Variants in GRIPAP1 observed in about 807,000 individuals in gnomAD.
GRIPAP1 encodes the protein GRIP1 associated protein 1.
GRIPAP1 carries 14 observed loss-of-function variants against 84.1 expected under a neutral mutation model. That is an observed-to-expected ratio of 0.17 (90% CI 0.11 to 0.26). GRIPAP1 has a LOEUF of 0.26. Ranked by LOEUF, GRIPAP1 falls within the 10% of genes least tolerant of loss-of-function variation. The pLI is 1.00. For synonymous variants in GRIPAP1, 261 were observed against 256.8 expected (o/e 1.02, Z -0.15); for missense variants, 518 against 674.2 (o/e 0.77, Z 2.57).
chrX:48,994,702 A>G (rs2064538219), intron 5 of GRIPAP1, among the ~76,000 whole-genome samples: 1 of 111,731 alleles, frequency 9.0e-6, no homozygotes, highest in Non-Finnish European at 1.9e-5. Context: ...CCTAGTACTA[A>G]TCAAAATTTT....
At chrX:48,986,964 T>G (rs1569519704) in intron 13 of GRIPAP1, among the ~76,000 whole-genome samples, 4 of 108,740 alleles carry the variant, frequency 3.7e-5, no homozygotes, top group Admixed American at 9.9e-5. Context: ...TTCTCCCACC[T>G]CAGCCTCCCG....
rs781795299 is a variant in GRIPAP1, at chrX:48,997,352, G to A, written c.204C>T (p.Val68=). The change falls in exon 5 of 26, where the codon GTC becomes GTT. Residue 68 remains valine (V), a synonymous_variant. Coordinates refer to ENST00000376423, the MANE Select transcript of GRIPAP1 (RefSeq NM_020137.5). ...ALSKSKKAQE[V]EVLLSENEML... ...TCTCATTTTCACTCAGCAATACCTC[G>A]ACTTCCTGCAGTGGCAGACAAGGGC... 2 of 1,125,320 alleles carry A rather than the reference G, an allele frequency of 1.8e-6. No homozygotes were observed. 92.7% of individuals were successfully genotyped at this position (1,125,320 alleles called of 1,213,427 possible).
intron 22 of GRIPAP1, 135 bp downstream of exon 22, chrX:48,978,170 G>T: frequency 1.6e-6 from 1 of 640,248 alleles, no homozygotes; most frequent in Non-Finnish European, 2.4e-6. Context: ...TGGTGGGCTT[G>T]GGGAAAAGTT....
At chrX:49,000,234 G>A (rs180782190) in intron 1 of GRIPAP1, among the ~76,000 whole-genome samples, 5 of 107,471 alleles carry the variant, frequency 4.7e-5, no homozygotes, top group South Asian at 8.3e-4. Context: ...GTGTGGTGGC[G>A]CACACCTGTA....
intron 7 of GRIPAP1, 32 bp downstream of exon 7, chrX:48,990,894 T>C (rs1557065266): frequency 9.1e-7 from 1 of 1,104,093 alleles, no homozygotes; most frequent in South Asian, 2.1e-5. Context: ...CCCTGCCTTC[T>C]GGCATTCCAG....
chrX:48,974,228 G>A lies in GRIPAP1; in HGVS notation c.2491C>T (p.Pro831Ser), dbSNP rs1557059758. 4.1e-6 allele frequency: 5 copies of A among 1,206,403 alleles called. No homozygotes were observed. In the Admixed American group the frequency reaches 1.1e-4, roughly 26 times the overall value. ...VRLSKECVGP[P>S]DPDLEPGETS ...TCTCCTGGCTCTAGGTCTGGGTCAG[G>A]AGGCCCCACGCACTCCTTGCTGAGC... The change falls in exon 26 of 26, where the codon CCT (proline) becomes TCT (serine). Residue 831 changes from proline to serine, a missense_variant. Transcript: ENST00000376423.
intron 17 of GRIPAP1, 104 bp from the exon 18 acceptor site, chrX:48,981,976 C>A (rs2064460325): frequency 1.8e-6 from 1 of 552,927 alleles, no homozygotes; most frequent in East Asian, 3.6e-5. Flanking sequence ...GCAGAAATGA[C>A]CCTCCTGCAG....
chrX:48,993,862 T>C (rs1335149639), intron 5 of GRIPAP1, among the ~76,000 whole-genome samples: 1 of 111,500 alleles, frequency 9.0e-6, no homozygotes, highest in Non-Finnish European at 1.9e-5. Flanking sequence ...ACCTCAGAGA[T>C]GCAATCCAAG....
rs782126096 is a variant in GRIPAP1 at position 48,974,520 on chromosome X, C to G, written c.2434-235G>C. Among the ~76,000 whole-genome samples the G allele has an allele frequency of 5.4e-5, 6 of 111,862 alleles. No homozygotes were observed. The Admixed American group carries it at 5.7e-4, about 11-fold the overall frequency. ...ACAGATAATGGGAGTGGGATGCCTC[C>G]TGTGGCATGGTGCTGCTGCAGGATA... On this transcript the variant is annotated intron_variant, in intron 25 of 25. Coordinates refer to ENST00000376423, the MANE Select transcript of GRIPAP1 (RefSeq NM_020137.5).
chrX:48,986,007 C>T (rs782172055), intron 13 of GRIPAP1, among the ~76,000 whole-genome samples: 148 of 110,838 alleles, frequency 1.3e-3, no homozygotes, highest in African/African-American at 4.8e-3. Context: ...CTCTGGGAGG[C>T]CGAGGCGGGT....
chrX:48,991,091 C>T lies in GRIPAP1; in HGVS notation c.477G>A (p.Gly159=), dbSNP rs151043808. Residue 159 remains glycine, a synonymous_variant, in exon 7 of 26, where the codon GGG becomes GGA. Coordinates refer to ENST00000376423, the MANE Select transcript of GRIPAP1 (RefSeq NM_020137.5). ...CAGCTGAGAACTTCCCGGCTTCTTTCCCATAGCGTTCCTGCAGGGCTGGTG... is the reference window on the plus strand; with the variant it reads ...CAGCTGAGAACTTCCCGGCTTCTTTTCCATAGCGTTCCTGCAGGGCTGGTG... The part of the protein sequence containing the change: ...KNVAALQERY[G]KEAGKFSAVS... 6.6e-3 allele frequency: 7,929 copies of T among 1,197,334 alleles called. 20 individuals are homozygous for T. The highest frequency in any genetic ancestry group is 7.5e-3 in the Non-Finnish European group (6,618 of 883,078).
intron 7 of GRIPAP1, 22 bp from the exon 8 acceptor site, chrX:48,990,754 G>A: frequency 8.4e-7 from 1 of 1,190,512 alleles, no homozygotes; most frequent in Non-Finnish European, 1.1e-6. Context: ...GATGAGGGAT[G>A]GGAGGGTTGT....
At chrX:48,976,507 T>C in intron 22 of GRIPAP1, 144 bp from the exon 23 acceptor site, 2 of 689,086 alleles carry the variant, frequency 2.9e-6, no homozygotes, top group East Asian at 3.6e-5. Context: ...CCCATCTTGG[T>C]ACCCTCAGAC....
At chrX:48,995,287 T>C (rs1328125494) in intron 5 of GRIPAP1, among the ~76,000 whole-genome samples, 2 of 111,672 alleles carry the variant, frequency 1.8e-5, no homozygotes, top group Non-Finnish European at 3.8e-5. Flanking sequence ...TATGGAAGAA[T>C]GTCTGCCCCT....
rs782388874 is a variant in GRIPAP1 at position 48,983,780 on chromosome X, G to T, written c.1267C>A (p.Arg423=). 8.7e-7 allele frequency: 1 copy of T among 1,147,188 alleles called. No individual in the cohort carries two copies. Among genetic ancestry groups the T allele is most frequent in the South Asian group, 1.8e-5 (1 of 55,483 alleles). 94.5% of individuals were successfully genotyped at this position (1,147,188 alleles called of 1,213,427 possible). A position where few individuals can be genotyped will look rare whatever the true frequency, so the allele number is the denominator to read the frequency against. Residue 423 remains arginine, a synonymous_variant, in exon 15 of 26, where the codon CGG becomes AGG. Coordinates refer to ENST00000376423, the MANE Select transcript of GRIPAP1 (RefSeq NM_020137.5). ...CAACCCTCATGTTCCCCTACCTTCC[G>T]AGCCTCCTGTAATTCCTGGGTCAAC... ...EQLTQELQEA[R]KSAEKRKAML... is the part of the protein sequence containing the mutation.
In GRIPAP1 at chrX:48,978,428, C is replaced by T. The variant is rs1430433013; in HGVS notation, c.1938G>A (p.Glu646=). 2.5e-6 allele frequency: 3 copies of T among 1,199,617 alleles called. No homozygotes were observed. Among genetic ancestry groups the T allele is most frequent in the Non-Finnish European group, 2.3e-6 (2 of 887,778 alleles). The change falls in exon 22 of 26, where the codon GAG becomes GAA. Residue 646 remains glutamate, a synonymous_variant. Transcript: ENST00000376423. ...AGTTCATCTCTGAGAGAACCAGCTC[C>T]TCAAGGCCTGGGTGGTGGAGGGAAG... is the stretch of plus-strand genomic sequence containing the variant. ...LTNSKSRSGL[E]ELVLSEMNSP...
rs372306235 is a variant in GRIPAP1, at chrX:48,981,835, G to T, written c.1637C>A (p.Ala546Asp). Reference protein sequence around the residue: ...LQQQQQEQEEALKQCREQHAA... With the variant: ...LQQQQQEQEEDLKQCREQHAA... The stretch of plus-strand genomic sequence containing the variant: ...GTGCTGCTCCCGACACTGCTTGAGG[G>T]CTTCCTCTTGTTCCTGCTGCTGCTG... The change falls in exon 18 of 26, where the codon GCC becomes GAC. Residue 546 changes from alanine to aspartate, a missense_variant. Transcript: ENST00000376423. The T allele has an allele frequency of 5.6e-5, 66 of 1,168,973 alleles. No individual in the cohort carries two copies. The highest frequency in any genetic ancestry group is 6.8e-5 in the Non-Finnish European group (59 of 873,532).
At chrX:48,999,402 A>T in intron 2 of GRIPAP1, 36 bp downstream of exon 2, 2 of 1,148,099 alleles carry the variant, frequency 1.7e-6, no homozygotes, top group Non-Finnish European at 2.4e-6. Context: ...CCATTCCCCA[A>T]AGCCACCCCC....
Position 48,999,308 on chromosome X carries a change from G to C in GRIPAP1, c.110-9C>G, listed in dbSNP as rs376683945. On this transcript the variant is annotated splice_polypyrimidine_tract_variant and intron_variant, in intron 2 of 25. Transcript: ENST00000376423. Reference sequence around the variant, plus strand: ...TCGAAGACTGGTGAGTTCTGGTGTCGGGAAAGCAGGGAAACTCAGCCTCAG... The same window carrying C: ...TCGAAGACTGGTGAGTTCTGGTGTCCGGAAAGCAGGGAAACTCAGCCTCAG... 1 of 1,193,285 alleles carries C rather than the reference G, an allele frequency of 8.4e-7. No individual in the cohort carries two copies. The highest frequency in any genetic ancestry group is 1.1e-6 in the Non-Finnish European group (1 of 880,437).
Sources: allele counts gnomAD v4.1 joint callset (sites outside exome capture counted in the v4.1 genomes callset), GRCh38; gene constraint gnomAD v4.1.1; transcripts MANE v1.5; gene names NCBI Gene and HGNC (gene_info 2026-07-23, HGNC 2026-07-21).